Variants in NDUFAF6 observed in about 807,000 individuals in gnomAD.
NDUFAF6 encodes NADH dehydrogenase (ubiquinone) complex I, assembly factor 6.
Under a neutral mutation model 40.8 loss-of-function variants are expected in NDUFAF6, and 45 were observed. The observed-to-expected ratio is 1.10, with a 90% confidence interval of 0.87 to 1.42. The LOEUF (loss-of-function observed/expected upper bound fraction) is 1.42. NDUFAF6 is among the 40% of genes most tolerant of loss of function. The probability of loss-of-function intolerance (pLI) is 0.00; values close to 1 mark genes in which losing one functional copy is unlikely to be tolerated. For missense variants in NDUFAF6, 435 were observed against 418.5 expected, an observed-to-expected ratio of 1.04 and a Z score of -0.34; for synonymous variants, 185 against 155.9, an observed-to-expected ratio of 1.19 and a Z score of -1.39.
intron 1 of NDUFAF6, among the ~76,000 whole-genome samples, chr8:94,965,879 T>C (rs1163956055): frequency 6.6e-6 from 1 of 152,168 alleles, no homozygotes; most frequent in Non-Finnish European, 1.5e-5. Flanking sequence ...AGAGATATTT[T>C]TTGTCATAAA....
chr8:94,911,010 TCTTA>T (rs949877708), intron 1 of NDUFAF6, among the ~76,000 whole-genome samples: 3 of 152,196 alleles, frequency 2.0e-5, no homozygotes, highest in African/African-American at 7.2e-5. Context: ...TAAAGTAAGA[TCTTA>T]CTTTGGAGAA....
intron 1 of NDUFAF6, among the ~76,000 whole-genome samples, chr8:94,933,400 A>G (rs187329085): frequency 1.3e-3 from 205 of 152,326 alleles, no homozygotes; most frequent in African/African-American, 4.7e-3. Context: ...AAGGAAGAAG[A>G]AGGAAGAAAG....
At chr8:94,946,710 A>AAAAAAAAAAAAAAAAAC in intron 2 of NDUFAF6, among the ~76,000 whole-genome samples, 1 of 147,938 alleles carries the variant, frequency 6.8e-6, no homozygotes, top group African/African-American at 2.5e-5. Flanking sequence ...AAAAAAAAAA[A>AAAAAAAAAAAAAAAAAC]AAAAAAAAAA....
At chr8:94,942,546 A>C (rs1263277214) in intron 1 of NDUFAF6, among the ~76,000 whole-genome samples, 1 of 152,208 alleles carries the variant, frequency 6.6e-6, no homozygotes, top group Non-Finnish European at 1.5e-5. Context: ...TTAGCAAAAT[A>C]CTTCGAATAA....
chr8:95,056,333 C>T (rs1252860706), intron 8 of NDUFAF6, among the ~76,000 whole-genome samples: 3 of 151,794 alleles, frequency 2.0e-5, no homozygotes, highest in African/African-American at 4.8e-5. Context: ...ACCTCAGCCT[C>T]CCAAGTAGCT....
chr8:95,117,715 T>C (rs1000668670), downstream of NDUFAF6, among the ~76,000 whole-genome samples: 1 of 152,200 alleles, frequency 6.6e-6, no homozygotes, highest in African/African-American at 2.4e-5. Context: ...AAATGACATA[T>C]GTCTCTTCCG....
intron 2 of NDUFAF6, among the ~76,000 whole-genome samples, chr8:95,011,630 G>A (rs191696606): frequency 6.6e-6 from 1 of 152,164 alleles, no homozygotes; most frequent in Non-Finnish European, 1.5e-5. Flanking sequence ...TCACTTTTGG[G>A]GCTTAAAGTT....
chr8:95,087,885 C>T (rs1478197334), intron 2 of NDUFAF6: 1 of 152,358 alleles, frequency 6.6e-6, no homozygotes, highest in Non-Finnish European at 1.5e-5. Context: ...GGCACACATA[C>T]AATTACAGCG....
intron 5 of NDUFAF6, 96 bp downstream of exon 5, chr8:95,045,743 A>G: frequency 2.1e-6 from 2 of 931,112 alleles, no homozygotes; most frequent in South Asian, 1.4e-5. Flanking sequence ...GTTTAGCACT[A>G]AAGCCTTCCT....
chr8:95,065,364 T>C (rs1169133853), intron 9 of NDUFAF6, among the ~76,000 whole-genome samples: 1 of 152,220 alleles, frequency 6.6e-6, no homozygotes, highest in Admixed American at 6.5e-5. Flanking sequence ...GCTGCAGAAC[T>C]GCTGGCTTGC....
intron 1 of NDUFAF6, among the ~76,000 whole-genome samples, chr8:95,026,952 G>A (rs985886171): frequency 2.0e-5 from 3 of 151,692 alleles, no homozygotes; most frequent in Admixed American, 1.3e-4. Context: ...AGGCTGAGGC[G>A]GGAGGATCAC....
At chr8:94,903,488 A>G (rs1818163452) in intron 1 of NDUFAF6, among the ~76,000 whole-genome samples, 1 of 152,242 alleles carries the variant, frequency 6.6e-6, no homozygotes, top group South Asian at 2.1e-4. Context: ...GGTCACATTC[A>G]ATATGATACC....
intron 1 of NDUFAF6, chr8:94,927,784 A>C (rs1820028694): frequency 6.6e-6 from 1 of 152,560 alleles, no homozygotes; most frequent in Non-Finnish European, 1.5e-5. Context: ...CATATTCCAG[A>C]CTTTTTCCAA....
At chr8:95,090,288 C>T (rs1251951210) in intron 2 of NDUFAF6, among the ~76,000 whole-genome samples, 1 of 152,162 alleles carries the variant, frequency 6.6e-6, no homozygotes, top group Non-Finnish European at 1.5e-5. Context: ...ATTCCTAGGC[C>T]ATTTACCTAG....
At chr8:95,086,588 T>C (rs1809049484) in intron 2 of NDUFAF6, among the ~76,000 whole-genome samples, 2 of 143,158 alleles carry the variant, frequency 1.4e-5, no homozygotes, top group Admixed American at 1.5e-4. Context: ...GTCTCTCTCT[T>C]TTTTCTTTTC....
At chr8:94,976,820 T>C (rs548093134) in intron 1 of NDUFAF6, among the ~76,000 whole-genome samples, 1 of 152,244 alleles carries the variant, frequency 6.6e-6, no homozygotes, top group African/African-American at 2.4e-5. Context: ...TTCACAACAA[T>C]GCGAATGTAC....
In NDUFAF6 at chr8:95,034,839, G is replaced by C. The variant is rs80159458; in HGVS notation, c.298-615G>C. The C allele has an allele frequency of 0.012, 1,847 of 152,844 alleles. 45 individuals are homozygous for C. Among genetic ancestry groups the C allele is most frequent in the African/African-American group, 0.041 (1,713 of 41,384 alleles). 9.5% of individuals were successfully genotyped at this position (152,844 alleles called of 1,614,324 possible). On this transcript the variant is annotated intron_variant, in intron 2 of 8. Transcript: ENST00000396124. The stretch of plus-strand genomic sequence containing the variant: ...GTTCCTCATCAAAATTTACCTCCTA[G>C]ATTTAGCTTGTGTTGGTGATTCTTG...
At chr8:95,047,954 C>G (rs768787430) in intron 6 of NDUFAF6, among the ~76,000 whole-genome samples, 2 of 152,084 alleles carry the variant, frequency 1.3e-5, no homozygotes, top group Non-Finnish European at 2.9e-5. Context: ...TGCCTGTAAT[C>G]CCAGCACTTT....
intron 2 of NDUFAF6, among the ~76,000 whole-genome samples, chr8:95,083,001 G>C (rs1261034552): frequency 1.3e-5 from 2 of 151,898 alleles, no homozygotes; most frequent in South Asian, 2.1e-4. Context: ...GGCTGGTCTC[G>C]AGCTCCTGGC....
Sources: gnomAD v4.1 joint callset for allele counts (sites outside exome capture counted in the v4.1 genomes callset) on GRCh38, gnomAD v4.1.1 for gene constraint, MANE v1.5 for transcripts, NCBI Gene and HGNC (gene_info 2026-07-23, HGNC 2026-07-21) for gene names.